TOP3B: variants seen among roughly 807,000 people sequenced by gnomAD.
TOP3B encodes the protein DNA topoisomerase III beta.
TOP3B carries 45 observed loss-of-function variants against 93.9 expected under a neutral mutation model. The ratio of observed to expected loss-of-function variants is 0.48; its 90% confidence interval spans 0.38 to 0.61. The LOEUF is 0.61. Ranked by LOEUF, TOP3B falls within the 20% of genes least tolerant of loss-of-function variation. The pLI is 0.00. For missense variants in TOP3B, 750 were observed against 1,156.1 expected (o/e 0.65, Z 5.09); for synonymous variants, 357 against 472.6 (o/e 0.76, Z 3.17).
chr22:21,960,348 C>A lies in TOP3B; in HGVS notation c.1627G>T (p.Val543Phe). Residue 543 changes from valine to phenylalanine, a missense_variant, in exon 14 of 18, where the codon GTC becomes TTC. Val to Phe is a conservative substitution (Grantham distance 50). Coordinates refer to ENST00000357179, the MANE Select transcript of TOP3B (RefSeq NM_001282112.2). ...ATCTTATAGTAGCCGTGCACCAGGACGATGCCGAGGTTGGTGGGCTTGAGC... is the reference window on the plus strand; with the variant it reads ...ATCTTATAGTAGCCGTGCACCAGGAAGATGCCGAGGTTGGTGGGCTTGAGC... ...RRLKPTNLGIVLVHGYYKIDA... is the reference protein window; with the variant it reads ...RRLKPTNLGIFLVHGYYKIDA... 6.2e-7 allele frequency: 1 copy of A among 1,613,626 alleles called. No individual in the cohort carries two copies. Among genetic ancestry groups the A allele is most frequent in the Non-Finnish European group, 8.5e-7 (1 of 1,179,978 alleles).
chr22:21,962,314 C>T, intron 13 of TOP3B, 115 bp downstream of exon 13: 1 of 1,597,966 alleles, frequency 6.3e-7, no homozygotes, highest in Non-Finnish European at 8.5e-7. Flanking sequence ...AGATACCAGC[C>T]CATGGAGGGG....
At chr22:21,969,027 A>G in intron 6 of TOP3B, 1 of 479,660 alleles carries the variant, frequency 2.1e-6, no homozygotes, top group Non-Finnish European at 3.8e-6. Flanking sequence ...CTTCTATTCT[A>G]TTCCATCTAC....
chr22:21,972,305 CT>C (rs1456603269), intron 4 of TOP3B: 2 of 459,750 alleles, frequency 4.4e-6, no homozygotes, highest in Non-Finnish European at 7.6e-6. Context: ...CTTATCTGCA[CT>C]TTCTAATTTT....
At chr22:21,974,253 T>C in intron 3 of TOP3B, 104 bp downstream of exon 3, 3 of 1,421,650 alleles carry the variant, frequency 2.1e-6, no homozygotes, top group African/African-American at 1.4e-5. Context: ...ACTCATGGAG[T>C]TGGGACAAAC....
chr22:21,959,326 C>T (rs2071066117), intron 15 of TOP3B, 94 bp from the exon 16 acceptor site: 1 of 1,566,526 alleles, frequency 6.4e-7, no homozygotes, highest in South Asian at 1.2e-5. Context: ...TGAAAGGGTC[C>T]CTATAGGCGG....
chr22:21,971,978 AC>A lies in TOP3B; in HGVS notation c.310-28del. The A allele has an allele frequency of 6.2e-7, 1 of 1,605,286 alleles. No homozygotes were observed. Among genetic ancestry groups the A allele is most frequent in the Non-Finnish European group, 8.5e-7 (1 of 1,174,072 alleles). Reference sequence around the variant, plus strand: ...TGCCACACAGCACAGGTTCACACGTACCTGCTGCAGACCCGGTCTGTGCCAC... The same window carrying A: ...TGCCACACAGCACAGGTTCACACGTACTGCTGCAGACCCGGTCTGTGCCAC... On this transcript the variant is annotated intron_variant, in intron 4 of 17. Coordinates refer to ENST00000357179, the MANE Select transcript of TOP3B (RefSeq NM_001282112.2). The surrounding 1 kb of genome is among the most constrained non-coding windows in gnomAD (Gnocchi z 4.6).
Position 21,963,379 on chromosome 22 carries a change from A to C in TOP3B, c.1205-486T>G. On this transcript the variant is annotated intron_variant, in intron 11 of 17. Transcript: ENST00000357179. This position sits in a 1 kb window ranked among gnomAD's most constrained non-coding sequence, Gnocchi z 4.8. ...AAGCAAATGCGGAGGAAGGGAACAC[A>C]AGCCTCCATGCCTCAGTGGTTTCTT... The C allele has an allele frequency of 6.0e-6, 1 of 167,110 alleles. No homozygotes were observed. The highest frequency in any genetic ancestry group is 5.7e-5 in the Admixed American group (1 of 17,544). 10.4% of individuals were successfully genotyped at this position (167,110 alleles called of 1,614,324 possible).
At chr22:21,979,889 C>T (rs9610794) in intron 1 of TOP3B, among the ~76,000 whole-genome samples, 17,052 of 142,122 alleles carry the variant, frequency 0.12, 1,027 homozygotes, top group Middle Eastern at 0.14. Context: ...TGCAGTGAGC[C>T]GAGATTGCGC....
At chr22:21,959,877 C>A in intron 14 of TOP3B, 141 bp from the exon 15 acceptor site, 1 of 1,158,892 alleles carries the variant, frequency 8.6e-7, no homozygotes, top group Non-Finnish European at 1.2e-6. Flanking sequence ...CACCAGTCCA[C>A]AGCCTCAGAT....
At chr22:21,972,456 G>A (rs886714900) in intron 4 of TOP3B, 156 bp downstream of exon 4, 6 of 591,678 alleles carry the variant, frequency 1.0e-5, no homozygotes, top group Middle Eastern at 4.5e-4. Context: ...GTGCCTGCAG[G>A]TGCCTCGTGG....
chr22:21,957,854 C>T (rs754403230), intron 17 of TOP3B: 4 of 1,528,064 alleles, frequency 2.6e-6, no homozygotes, highest in Middle Eastern at 1.7e-4. Flanking sequence ...CTCCATCCCC[C>T]CTTTGCTTTG....
intron 13 of TOP3B, 96 bp from the exon 14 acceptor site, chr22:21,960,545 G>A: frequency 3.9e-6 from 6 of 1,542,586 alleles, no homozygotes; most frequent in Non-Finnish European, 5.3e-6. Context: ...CTGGTGCTCA[G>A]GCCCTCTCAC....
Position 21,971,485 on chromosome 22 carries a change from C to A in TOP3B, c.384+392G>T. ...CAGGAGATGAGCAGAGCGAGGCCTGCAAAAGGAGCTCAGTGCTGAGGTCGG... is the reference window on the plus strand; with the variant it reads ...CAGGAGATGAGCAGAGCGAGGCCTGAAAAAGGAGCTCAGTGCTGAGGTCGG... On this transcript the variant is annotated intron_variant, in intron 5 of 17. Coordinates refer to ENST00000357179, the MANE Select transcript of TOP3B (RefSeq NM_001282112.2). The surrounding 1 kb of genome is among the most constrained non-coding windows in gnomAD (Gnocchi z 4.6). 3.0e-6 allele frequency: 1 copy of A among 336,680 alleles called. No homozygotes were observed. Among genetic ancestry groups the A allele is most frequent in the Non-Finnish European group, 5.8e-6 (1 of 171,682 alleles). 20.9% of individuals were successfully genotyped at this position (336,680 alleles called of 1,614,324 possible). A position where few individuals can be genotyped will look rare whatever the true frequency, so the allele number is the denominator to read the frequency against.
At position 21,975,717 on chromosome 22, in the gene TOP3B, C is replaced by T. The variant is rs181897268; in HGVS notation, c.-8G>A. 411 of 1,604,282 alleles carry T rather than the reference C, an allele frequency of 2.6e-4. No homozygotes were observed. The African/African-American group carries it at 3.2e-3, about 12-fold the overall frequency. On this transcript the variant is annotated 5_prime_UTR_variant, in exon 2 of 18. Transcript: ENST00000357179. ...CATGAGCACAGTCTTCATTTTGTCT[C>T]GGTCCTTCACACTCCAGTTTCGGGG...
intron 1 of TOP3B, chr22:21,977,672 T>C (rs2145883043): frequency 6.6e-6 from 1 of 152,178 alleles, no homozygotes; most frequent in Non-Finnish European, 1.5e-5. Flanking sequence ...CTCAAAGTCG[T>C]TGCACACACA....
At chr22:21,972,078 G>A (rs763324259) in intron 4 of TOP3B, 127 bp from the exon 5 acceptor site, 3 of 722,374 alleles carry the variant, frequency 4.2e-6, no homozygotes, top group Non-Finnish European at 6.7e-6. Flanking sequence ...ACTGGTACCT[G>A]GGCTGGGTAA....
chr22:21,964,485 T>C (rs1390692395), intron 9 of TOP3B, 170 bp from the exon 10 acceptor site: 3 of 700,786 alleles, frequency 4.3e-6, no homozygotes, highest in Admixed American at 2.6e-5. Flanking sequence ...TGGGCACCTA[T>C]GCCACACAGT....
rs538391915 is a variant in TOP3B at position 21,964,397 on chromosome 22, C to T, written c.944-82G>A. 1.2e-4 allele frequency: 187 copies of T among 1,536,282 alleles called. 5 individuals carry two copies. In the South Asian group the frequency reaches 2.0e-3, roughly 17 times the overall value. ...GCCCTGGCCTATGCACTCAGGCTCC[C>T]CCATTGTGGCCGGCCCCTCCTGGAG... On this transcript the variant is annotated intron_variant, in intron 9 of 17. Coordinates refer to ENST00000357179, the MANE Select transcript of TOP3B (RefSeq NM_001282112.2).
chr22:21,960,137 T>A lies in TOP3B; in HGVS notation c.1654+184A>T, dbSNP rs377213608. 2.0e-4 allele frequency: 177 copies of A among 886,126 alleles called. No individual in the cohort carries two copies. In the African/African-American group the frequency reaches 2.5e-3, roughly 13 times the overall value. The allele number at this position is 886,126 out of a possible 1,614,324, so 54.9% of individuals were successfully genotyped here. On this transcript the variant is annotated intron_variant, in intron 14 of 17. Transcript: ENST00000357179. Reference sequence around the variant, plus strand: ...TGTTCAGCCTTCAAACACACTGAGCTCCTGCTCTGGGCAGGTCCTGGGGGT... The same window carrying A: ...TGTTCAGCCTTCAAACACACTGAGCACCTGCTCTGGGCAGGTCCTGGGGGT...
Sources: allele counts gnomAD v4.1 joint callset (sites outside exome capture counted in the v4.1 genomes callset), GRCh38; gene constraint gnomAD v4.1.1; non-coding constraint Gnocchi (gnomAD v3.1); transcripts MANE v1.5; gene names NCBI Gene and HGNC (gene_info 2026-07-23, HGNC 2026-07-21).